Variants in C1orf87 observed in about 807,000 individuals in gnomAD.
C1orf87 encodes chromosome 1 open reading frame 87, also known as uncharacterized protein C1orf87.
C1orf87 carries 58 observed loss-of-function variants against 60.5 expected under a neutral mutation model. That is an observed-to-expected ratio of 0.96 (90% CI 0.78 to 1.19). The LOEUF (loss-of-function observed/expected upper bound fraction) is 1.19, where lower values mean the gene tolerates loss of function less well. Among genes scored for constraint, C1orf87 ranks in the 50% most tolerant of loss-of-function variants. C1orf87 has a pLI of 0.00. For synonymous variants in C1orf87, 236 were observed against 227.4 expected (o/e 1.04, Z -0.34); for missense variants, 673 against 638.6 (o/e 1.05, Z -0.58).
intron 2 of C1orf87, among the ~76,000 whole-genome samples, chr1:60,061,336 A>G (rs1645495221): frequency 6.6e-6 from 1 of 152,166 alleles, no homozygotes; most frequent in Non-Finnish European, 1.5e-5. Flanking sequence ...TTTTGTTTCT[A>G]AAACAAAGAT....
At chr1:59,999,456 T>C (rs1644986411) in intron 10 of C1orf87, among the ~76,000 whole-genome samples, 1 of 152,150 alleles carries the variant, frequency 6.6e-6, no homozygotes, top group African/African-American at 2.4e-5. Flanking sequence ...TTTGCATACA[T>C]TTTGATGGAT....
At position 60,041,133 on chromosome 1, in the gene C1orf87, T is replaced by TTAACAGAACAAGGACAAAGGG; in HGVS notation, c.343-23_343-3dup. On this transcript the variant is annotated splice_region_variant and splice_polypyrimidine_tract_variant and intron_variant, in intron 3 of 11. Transcript: ENST00000371201. ...GTGGACATTTGCTTGACTGGGAATC[T>TTAACAGAACAAGGACAAAGGG]TAACAGAACAAGGACAAAGGGAAGC... 1 of 1,565,720 alleles carries TTAACAGAACAAGGACAAAGGG rather than the reference T, an allele frequency of 6.4e-7. No individual in the cohort carries two copies. Among genetic ancestry groups the TTAACAGAACAAGGACAAAGGG allele is most frequent in the Non-Finnish European group, 8.7e-7 (1 of 1,147,088 alleles).
chr1:60,038,074 T>C lies in C1orf87; in HGVS notation c.781A>G (p.Ser261Gly), dbSNP rs1457545447. Residue 261 changes from serine (S) to glycine (G), a missense_variant, in exon 6 of 12, where the codon AGT (serine) becomes GGT (glycine). Ser to Gly is a moderately conservative substitution (Grantham distance 56, BLOSUM62 0). Coordinates refer to ENST00000371201, the MANE Select transcript of C1orf87 (RefSeq NM_152377.3). The stretch of plus-strand genomic sequence containing the variant: ...TGCTGTGGATAATCTGATGCTGCAC[T>C]GTTTAAAAACCAGAGTAGCTTTTCA... ...NYEKLLWFLN[S>G]AASDYPQQNK... is the part of the protein sequence containing the mutation. 3 of 1,590,122 alleles carry C rather than the reference T, an allele frequency of 1.9e-6. No homozygotes were observed. The highest frequency in any genetic ancestry group is 2.6e-6 in the Non-Finnish European group (3 of 1,162,368).
At chr1:60,007,915 A>C (rs941519575) in intron 9 of C1orf87, among the ~76,000 whole-genome samples, 1 of 151,908 alleles carries the variant, frequency 6.6e-6, no homozygotes, top group South Asian at 2.1e-4. Context: ...GAGAAAATTC[A>C]CAGTTCTACA....
At chr1:60,037,839 G>C (rs1465129417) in intron 6 of C1orf87, among the ~76,000 whole-genome samples, 153 bp downstream of exon 6, 1 of 152,188 alleles carries the variant, frequency 6.6e-6, no homozygotes, top group Non-Finnish European at 1.5e-5. Context: ...CCATGCTGGT[G>C]CCCTGATCTT....
intron 9 of C1orf87, among the ~76,000 whole-genome samples, chr1:60,007,959 A>G (rs183481190): frequency 6.6e-5 from 10 of 152,024 alleles, no homozygotes; most frequent in South Asian, 2.1e-4. Flanking sequence ...AAGTTTCTGT[A>G]TAATGCCCCT....
chr1:60,067,835 C>T (rs1023360367), intron 2 of C1orf87, among the ~76,000 whole-genome samples: 1 of 151,844 alleles, frequency 6.6e-6, no homozygotes, highest in Non-Finnish European at 1.5e-5. Context: ...AGGTTTTCTT[C>T]CAGGGTTTTT....
intron 2 of C1orf87, among the ~76,000 whole-genome samples, chr1:60,064,938 AAAATATATAAT>A (rs1168735176): frequency 1.7e-5 from 1 of 57,790 alleles, no homozygotes; most frequent in Non-Finnish European, 3.3e-5. Context: ...TATATAATAT[AAAATATATAAT>A]AAATATATAA....
chr1:60,017,238 A>T (rs191499087), intron 8 of C1orf87, among the ~76,000 whole-genome samples: 2 of 152,348 alleles, frequency 1.3e-5, no homozygotes, highest in East Asian at 3.9e-4. Context: ...AGGCACAGCC[A>T]ATGGGCAGAT....
intron 7 of C1orf87, among the ~76,000 whole-genome samples, chr1:60,032,743 C>A (rs987865676): frequency 1.3e-5 from 2 of 152,008 alleles, no homozygotes; most frequent in Non-Finnish European, 2.9e-5. Flanking sequence ...TGGCGAGACT[C>A]AGTTTTAAAA....
intron 2 of C1orf87, among the ~76,000 whole-genome samples, chr1:60,065,917 A>G (rs1200956883): frequency 4.6e-5 from 7 of 152,174 alleles, no homozygotes; most frequent in African/African-American, 1.4e-4. Flanking sequence ...ATATCACAAT[A>G]AAGTGATTCA....
intron 8 of C1orf87, among the ~76,000 whole-genome samples, chr1:60,022,130 C>A (rs35208292): frequency 0.033 from 4,442 of 134,718 alleles, 117 homozygotes; most frequent in Non-Finnish European, 0.05. Flanking sequence ...TTTTTTTTGC[C>A]TTCTACGTGT....
chr1:60,057,016 T>C (rs1645462080), intron 2 of C1orf87, among the ~76,000 whole-genome samples: 1 of 152,104 alleles, frequency 6.6e-6, no homozygotes, highest in African/African-American at 2.4e-5. Context: ...CTTTTGGTGG[T>C]GGTAGCACAA....
Position 59,990,746 on chromosome 1 carries a change from T to C in C1orf87, c.1568A>G (p.Gln523Arg). ...NLSLSPQKID[Q>R]ALRRFRSGEN... ...TCCCGAACGGAATCTGCGCAAGGCCTGGTCGATTTTCTGAGGGCTCAGGGA... is the reference window on the plus strand; with the variant it reads ...TCCCGAACGGAATCTGCGCAAGGCCCGGTCGATTTTCTGAGGGCTCAGGGA... Residue 523 changes from glutamine to arginine, a missense_variant, in exon 12 of 12, where the codon CAG (glutamine) becomes CGG (arginine). Coordinates refer to ENST00000371201, the MANE Select transcript of C1orf87 (RefSeq NM_152377.3). 1 of 1,614,128 alleles carries C rather than the reference T, an allele frequency of 6.2e-7. No homozygotes were observed. The highest frequency in any genetic ancestry group is 2.2e-5 in the East Asian group (1 of 44,882).
intron 3 of C1orf87, among the ~76,000 whole-genome samples, chr1:60,051,283 A>G (rs1418916996): frequency 1.3e-5 from 2 of 152,212 alleles, no homozygotes; most frequent in East Asian, 3.8e-4. Flanking sequence ...TATCTGATCA[A>G]GTGGTTCCTC....
Position 59,997,756 on chromosome 1 carries a change from C to T in C1orf87, c.1333G>A (p.Asp445Asn). The change falls in exon 11 of 12, where the codon GAT becomes AAT. Residue 445 changes from aspartate (D) to asparagine (N), a missense_variant. By Grantham distance (23) the Asp-to-Asn change is conservative (BLOSUM62 1). Coordinates refer to ENST00000371201, the MANE Select transcript of C1orf87 (RefSeq NM_152377.3). ...SSPAETSACKDPLKPLKIRPV... is the reference protein window; with the variant it reads ...SSPAETSACKNPLKPLKIRPV... ...CTGATCTTTAAAGGTTTCAGAGGAT[C>T]TTTGCAGGCTGAAGTTTCAGCAGGA... 6.2e-7 allele frequency: 1 copy of T among 1,613,906 alleles called. No homozygotes were observed. The highest frequency in any genetic ancestry group is 8.5e-7 in the Non-Finnish European group (1 of 1,179,886).
intron 2 of C1orf87, among the ~76,000 whole-genome samples, chr1:60,067,995 CT>C (rs749836820): frequency 1.4e-4 from 22 of 152,114 alleles, no homozygotes; most frequent in Non-Finnish European, 4.4e-5. Context: ...TTCCTCATTG[CT>C]TGTTTTTGTC....
At chr1:60,020,783 T>C (rs1208761268) in intron 8 of C1orf87, among the ~76,000 whole-genome samples, 2 of 152,096 alleles carry the variant, frequency 1.3e-5, no homozygotes, top group Non-Finnish European at 2.9e-5. Context: ...CTTAAGACTT[T>C]GAGGGACTGT....
rs554319142 is a variant in C1orf87 at position 60,064,557 on chromosome 1, A to G, written c.107+7980T>C. On this transcript the variant is annotated intron_variant, in intron 2 of 11. Coordinates refer to ENST00000371201, the MANE Select transcript of C1orf87 (RefSeq NM_152377.3). Reference sequence around the variant, plus strand: ...CTAATAATCATTATATATATTTTATATATATAAAACTAATAGGATATATAT... The same window carrying G: ...CTAATAATCATTATATATATTTTATGTATATAAAACTAATAGGATATATAT... Among the ~76,000 whole-genome samples, 356 of 126,162 alleles carry G rather than the reference A, an allele frequency of 2.8e-3. 1 individual carries two copies. Among genetic ancestry groups the G allele is most frequent in the African/African-American group, 0.01 (338 of 33,520 alleles). The allele number at this position is 126,162 out of a possible 152,430, so 82.8% of individuals were successfully genotyped here. A position where few individuals can be genotyped will look rare whatever the true frequency, so the allele number is the denominator to read the frequency against.
Sources: allele counts gnomAD v4.1 joint callset (sites outside exome capture counted in the v4.1 genomes callset), GRCh38; gene constraint gnomAD v4.1.1; transcripts MANE v1.5; gene names NCBI Gene and HGNC (gene_info 2026-07-23, HGNC 2026-07-21).